Variants in NEDD9 observed in about 807,000 individuals in gnomAD.
The protein encoded by NEDD9 is neural precursor cell expressed, developmentally down-regulated 9, also known as enhancer of filamentation 1.
In NEDD9, 26 loss-of-function variants were observed where a neutral mutation model predicts 76.6. That is an observed-to-expected ratio of 0.34 (90% confidence interval 0.25 to 0.47). The LOEUF (loss-of-function observed/expected upper bound fraction) is 0.47. Among genes scored for constraint, NEDD9 ranks in the 20% least tolerant of loss-of-function variants. NEDD9 has a pLI of 1.00. For missense variants in NEDD9, 937 were observed against 1,058.5 expected, an observed-to-expected ratio of 0.89 and a Z score of 1.59; for synonymous variants, 392 against 414.2, an observed-to-expected ratio of 0.95 and a Z score of 0.65.
At chr6:11,295,031 T>C (rs1760858517) in intron 3 of NEDD9, among the ~76,000 whole-genome samples, 1 of 152,252 alleles carries the variant, frequency 6.6e-6, no homozygotes, top group African/African-American at 2.4e-5. Context: ...GACGTGCCTT[T>C]GCTCCTCCTT....
chr6:11,255,961 A>T (rs1759996469), intron 3 of NEDD9, among the ~76,000 whole-genome samples: 1 of 152,010 alleles, frequency 6.6e-6, no homozygotes, highest in African/African-American at 2.4e-5. Context: ...TCCTAATACT[A>T]TTTTTTTGCT....
rs1288807988 is a variant in NEDD9, at chr6:11,190,767, A to G, written c.1102T>C (p.Leu368=). 11 of 1,614,026 alleles carry G rather than the reference A, an allele frequency of 6.8e-6. No homozygotes were observed. The highest frequency in any genetic ancestry group is 6.8e-6 in the Non-Finnish European group (8 of 1,180,044). ...GTGCTGCCTGTACTGGAGAAAGACA[A>G]TCGGTTGATCCCATCCACCAAGTCC... ...SRDLVDGINR[L]SFSSTGSTRS... is the part of the protein sequence containing the mutation. Residue 368 remains leucine, a synonymous_variant, in exon 5 of 7, where the codon TTG becomes CTG. Transcript: ENST00000379446. The surrounding 1 kb of genome is among the most constrained non-coding windows in gnomAD (Gnocchi z 5.8).
At chr6:11,257,775 C>CTG (rs3067253) in intron 3 of NEDD9, among the ~76,000 whole-genome samples, 25,197 of 142,806 alleles carry the variant, frequency 0.18, 2,122 homozygotes, top group Middle Eastern at 0.23. Context: ...AATGTAGATT[C>CTG]TGTGTGTGTG....
rs1044406931 is a variant in NEDD9, at chr6:11,276,752, G to A, written c.12+29240C>T. Among the ~76,000 whole-genome samples, 4 of 152,152 alleles carry A rather than the reference G, an allele frequency of 2.6e-5. No individual in the cohort carries two copies. The South Asian group carries it at 6.2e-4, about 24-fold the overall frequency. On this transcript the variant is annotated intron_variant, in intron 3 of 3. Coordinates refer to the NEDD9 transcript ENST00000397378. ...TTCCACCTTCTCTCTTTACTCAGGA[G>A]AGCACAGTAGTAACATGTGCCAGGC...
intron 3 of NEDD9, among the ~76,000 whole-genome samples, chr6:11,304,742 TGG>T (rs1761135646): frequency 6.6e-6 from 1 of 152,120 alleles, no homozygotes; most frequent in South Asian, 2.1e-4. Context: ...CACTCATAGG[TGG>T]GAGTTGAACA....
At chr6:11,355,758 T>C (rs1331219508) in intron 1 of NEDD9, among the ~76,000 whole-genome samples, 1 of 152,062 alleles carries the variant, frequency 6.6e-6, no homozygotes, top group Non-Finnish European at 1.5e-5. Flanking sequence ...TCTCGCTCTG[T>C]CGCCCAGGCT....
At chr6:11,358,036 T>G (rs1762610822) in intron 1 of NEDD9, among the ~76,000 whole-genome samples, 1 of 151,994 alleles carries the variant, frequency 6.6e-6, no homozygotes, top group South Asian at 2.1e-4. Flanking sequence ...GATCACGAGG[T>G]CAGGAGATCG....
At chr6:11,299,257 G>T (rs778201376) in intron 3 of NEDD9, among the ~76,000 whole-genome samples, 3 of 152,158 alleles carry the variant, frequency 2.0e-5, no homozygotes, top group African/African-American at 7.2e-5. Context: ...GTCTGAGATC[G>T]ACCTGCAACG....
At chr6:11,354,928 G>A (rs759894605) in intron 1 of NEDD9, among the ~76,000 whole-genome samples, 16 of 152,262 alleles carry the variant, frequency 1.1e-4, no homozygotes, top group Admixed American at 2.6e-4. Context: ...TCTTGCTATG[G>A]GTTCAAAGAG....
intron 2 of NEDD9, among the ~76,000 whole-genome samples, chr6:11,323,196 A>G (rs1761849966): frequency 6.6e-6 from 1 of 152,226 alleles, no homozygotes; most frequent in African/African-American, 2.4e-5. Flanking sequence ...TATATTTTGC[A>G]GTGACTTTCA....
chr6:11,283,234 T>C (rs1000551502), intron 3 of NEDD9, among the ~76,000 whole-genome samples: 7 of 152,224 alleles, frequency 4.6e-5, no homozygotes, highest in Admixed American at 2.6e-4. Flanking sequence ...ATTTTATTTT[T>C]ATTCTTGAAA....
rs1428602116 is a variant in NEDD9, at chr6:11,241,851, G to A, written c.13-28124C>T. Among the ~76,000 whole-genome samples the A allele has an allele frequency of 2.0e-5, 3 of 152,160 alleles. No homozygotes were observed. The highest frequency in any genetic ancestry group is 4.4e-5 in the Non-Finnish European group (3 of 68,022). On this transcript the variant is annotated intron_variant, in intron 3 of 3. Coordinates refer to the NEDD9 transcript ENST00000397378. This position sits in a 1 kb window ranked among gnomAD's most constrained non-coding sequence, Gnocchi z 4.0. ...CGGGCCCAGAGCCTCTGGCCTGTCC[G>A]GCCAGCCCAAGCAGCCGCCAGCTGG...
intron 2 of NEDD9, among the ~76,000 whole-genome samples, chr6:11,315,436 T>C (rs1017947322): frequency 6.6e-6 from 1 of 152,244 alleles, no homozygotes; most frequent in Non-Finnish European, 1.5e-5. Flanking sequence ...CTGTGAAAAC[T>C]TTTTGGTTAT....
intron 2 of NEDD9, among the ~76,000 whole-genome samples, chr6:11,332,186 T>C (rs759109509): frequency 2.0e-5 from 3 of 152,226 alleles, no homozygotes; most frequent in African/African-American, 7.2e-5. Context: ...GAAATGTCCT[T>C]GATCTTTTTG....
chr6:11,292,865 A>G (rs1473636155), intron 3 of NEDD9, among the ~76,000 whole-genome samples: 1 of 152,154 alleles, frequency 6.6e-6, no homozygotes, highest in Admixed American at 6.5e-5. Flanking sequence ...GAATATTCTT[A>G]CTGAGCTCAG....
chr6:11,307,758 G>C (rs919376742), intron 2 of NEDD9, among the ~76,000 whole-genome samples: 4 of 152,046 alleles, frequency 2.6e-5, no homozygotes, highest in Non-Finnish European at 5.9e-5. Context: ...CTGCCACCCA[G>C]GTCAAGACAT....
chr6:11,185,277 G>T lies in NEDD9; in HGVS notation c.2390C>A (p.Ala797Asp). Residue 797 changes from alanine to aspartate, a missense_variant, in exon 7 of 7, where the codon GCC (alanine) becomes GAC (aspartate). Coordinates refer to ENST00000379446, the MANE Select transcript of NEDD9 (RefSeq NM_006403.4). Reference sequence around the variant, plus strand: ...CGTGGTGCTGGGGTAATGGAGGGCGGCCATCTTGGTTGCCATGACTATGGT... The same window carrying T: ...CGTGGTGCTGGGGTAATGGAGGGCGTCCATCTTGGTTGCCATGACTATGGT... ...LKTIVMATKM[A>D]ALHYPSTTAL... 6.2e-7 allele frequency: 1 copy of T among 1,614,108 alleles called. No homozygotes were observed.
intron 3 of NEDD9, among the ~76,000 whole-genome samples, chr6:11,288,796 A>G (rs1760702666): frequency 6.6e-6 from 1 of 152,236 alleles, no homozygotes; most frequent in South Asian, 2.1e-4. Flanking sequence ...ACTTACAACC[A>G]TATATTCATC....
intron 3 of NEDD9, among the ~76,000 whole-genome samples, chr6:11,281,313 T>A (rs1048594456): frequency 6.6e-6 from 1 of 152,230 alleles, no homozygotes; most frequent in Non-Finnish European, 1.5e-5. Flanking sequence ...TCGATTTCTA[T>A]CATTCTGCCT....
Sources: allele counts gnomAD v4.1 joint callset (sites outside exome capture counted in the v4.1 genomes callset), GRCh38; gene constraint gnomAD v4.1.1; non-coding constraint Gnocchi (gnomAD v3.1); transcripts MANE v1.5; gene names NCBI Gene and HGNC (gene_info 2026-07-23, HGNC 2026-07-21).